LRRC4C: variants seen among roughly 807,000 people sequenced by gnomAD.
The protein encoded by LRRC4C is leucine rich repeat containing 4C, also known as leucine-rich repeat-containing protein 4C.
LRRC4C carries 5 observed loss-of-function variants against 33.6 expected under a neutral mutation model. That is an observed-to-expected ratio of 0.15 (90% CI 0.08 to 0.31). The LOEUF (loss-of-function observed/expected upper bound fraction) is 0.31. LRRC4C is among the 10% of genes least tolerant of loss of function. The pLI is 1.00. For synonymous variants in LRRC4C, 329 were observed against 302.0 expected (o/e 1.09, Z -0.93); for missense variants, 560 against 796.7 (o/e 0.70, Z 3.58).
intron 3 of LRRC4C, among the ~76,000 whole-genome samples, chr11:40,453,739 A>C (rs544925162): frequency 6.4e-4 from 98 of 152,278 alleles, no homozygotes; most frequent in African/African-American, 2.3e-3. Flanking sequence ...ATTATATGAC[A>C]TGTTCAGAAT....
At chr11:40,730,705 AT>A (rs1268629068) in intron 2 of LRRC4C, among the ~76,000 whole-genome samples, 1 of 152,228 alleles carries the variant, frequency 6.6e-6, no homozygotes, top group African/African-American at 2.4e-5. Flanking sequence ...AAAGAAAAAA[AT>A]AATCTGACTG....
intron 1 of LRRC4C, among the ~76,000 whole-genome samples, chr11:41,411,592 C>T (rs1591460963): frequency 6.6e-6 from 1 of 152,110 alleles, no homozygotes; most frequent in Admixed American, 6.5e-5. Flanking sequence ...TATTCTGAAA[C>T]CTCATTTACA....
intron 5 of LRRC4C, among the ~76,000 whole-genome samples, chr11:40,144,887 A>C (rs1857613970): frequency 1.3e-5 from 2 of 152,184 alleles, no homozygotes; most frequent in South Asian, 4.1e-4. Context: ...GGTTGTTTAC[A>C]TTTATAGAGA....
At chr11:40,582,364 G>A (rs1958505850) in intron 3 of LRRC4C, among the ~76,000 whole-genome samples, 1 of 152,044 alleles carries the variant, frequency 6.6e-6, no homozygotes, top group Admixed American at 6.6e-5. Context: ...ATACTTAGAA[G>A]TTTTAAATTT....
At chr11:40,137,853 A>G (rs1431658183) in intron 6 of LRRC4C, among the ~76,000 whole-genome samples, 1 of 152,202 alleles carries the variant, frequency 6.6e-6, no homozygotes, top group East Asian at 1.9e-4. Context: ...TAAGTATTAG[A>G]TAGACTTTGG....
chr11:41,320,099 G>A (rs1017797719), intron 1 of LRRC4C, among the ~76,000 whole-genome samples: 1 of 152,026 alleles, frequency 6.6e-6, no homozygotes, highest in African/African-American at 2.4e-5. Context: ...TTTATCATAT[G>A]TACTCCAAGT....
rs942260479 is a variant in LRRC4C at position 40,946,707 on chromosome 11, T to A, written c.-495-12984A>T. ...ATCTCTCTGACGGTTAATGATGCCA[T>A]CAAGGGATAAAAGTAACAAAGAAAT... On this transcript the variant is annotated intron_variant, in intron 1 of 6. Transcript: ENST00000528697. Among the ~76,000 whole-genome samples, 10 of 152,280 alleles carry A rather than the reference T, an allele frequency of 6.6e-5. No homozygotes were observed. The East Asian group carries it at 1.5e-3, about 24-fold the overall frequency.
chr11:40,224,967 G>A (rs1864676864), intron 5 of LRRC4C, among the ~76,000 whole-genome samples: 1 of 151,960 alleles, frequency 6.6e-6, no homozygotes, highest in Non-Finnish European at 1.5e-5. Context: ...TAAAATAAAA[G>A]AGTTACTACA....
intron 1 of LRRC4C, among the ~76,000 whole-genome samples, chr11:41,274,472 T>A (rs757802479): frequency 6.6e-6 from 1 of 152,060 alleles, no homozygotes; most frequent in Admixed American, 6.6e-5. Flanking sequence ...ATGGACCAGA[T>A]GTGGAGTGAT....
At chr11:41,301,779 C>A (rs145250234) in intron 1 of LRRC4C, among the ~76,000 whole-genome samples, 261 of 152,218 alleles carry the variant, frequency 1.7e-3, no homozygotes, top group African/African-American at 5.9e-3. Flanking sequence ...TTAGGATAGG[C>A]TAGTTCTCCT....
At chr11:40,637,566 G>A (rs1374918299) in intron 3 of LRRC4C, among the ~76,000 whole-genome samples, 1 of 152,106 alleles carries the variant, frequency 6.6e-6, no homozygotes, top group Non-Finnish European at 1.5e-5. Flanking sequence ...ATTCCTTAGA[G>A]CTCTCTACCT....
At chr11:41,248,576 G>A (rs1434790015) in intron 1 of LRRC4C, among the ~76,000 whole-genome samples, 2 of 151,948 alleles carry the variant, frequency 1.3e-5, no homozygotes, top group Admixed American at 1.3e-4. Flanking sequence ...CTGCCCCATT[G>A]TCCCTACCTG....
At chr11:41,336,950 T>C (rs1247594985) in intron 1 of LRRC4C, among the ~76,000 whole-genome samples, 1 of 151,732 alleles carries the variant, frequency 6.6e-6, no homozygotes, top group East Asian at 1.9e-4. Context: ...CAAAGGAAAC[T>C]AAGACATAAA....
intron 2 of LRRC4C, among the ~76,000 whole-genome samples, chr11:40,892,227 C>T (rs1955749117): frequency 1.3e-5 from 2 of 151,474 alleles, no homozygotes; most frequent in Non-Finnish European, 2.9e-5. Context: ...CACTGCTAGA[C>T]AGACCCAAAA....
At chr11:40,795,148 A>G (rs1950773763) in intron 2 of LRRC4C, among the ~76,000 whole-genome samples, 1 of 152,208 alleles carries the variant, frequency 6.6e-6, no homozygotes, top group Non-Finnish European at 1.5e-5. Flanking sequence ...CAAGTAAAAG[A>G]ACACTATACC....
intron 1 of LRRC4C, among the ~76,000 whole-genome samples, chr11:41,209,914 G>A (rs1183977355): frequency 1.3e-5 from 2 of 152,062 alleles, no homozygotes; most frequent in Non-Finnish European, 2.9e-5. Context: ...TTAAGAGTGG[G>A]GCTTCAATCA....
intron 2 of LRRC4C, among the ~76,000 whole-genome samples, chr11:40,780,203 A>T (rs149858510): frequency 4.5e-4 from 69 of 152,290 alleles, no homozygotes; most frequent in Middle Eastern, 6.8e-3. Flanking sequence ...CTGCATAAAA[A>T]AATTCTTTTT....
At chr11:40,295,927 A>C (rs1397972516) in intron 4 of LRRC4C, among the ~76,000 whole-genome samples, 2 of 152,234 alleles carry the variant, frequency 1.3e-5, no homozygotes, top group African/African-American at 4.8e-5. Flanking sequence ...AAACGATTAA[A>C]AAGTACATTC....
chr11:41,171,649 A>G (rs770115370), intron 1 of LRRC4C, among the ~76,000 whole-genome samples: 137 of 151,902 alleles, frequency 9.0e-4, no homozygotes, highest in Middle Eastern at 6.8e-3. Flanking sequence ...ATACCCTAAA[A>G]CTTAACGTAT....
Sources: gnomAD v4.1 joint callset for allele counts (sites outside exome capture counted in the v4.1 genomes callset) on GRCh38, gnomAD v4.1.1 for gene constraint, MANE v1.5 for transcripts, NCBI Gene and HGNC (gene_info 2026-07-23, HGNC 2026-07-21) for gene names.